PDE6C: variants seen among roughly 807,000 people sequenced by gnomAD.
PDE6C encodes phosphodiesterase 6C.
A neutral mutation model predicts 113.1 loss-of-function variants in PDE6C; 75 were observed. That is an observed-to-expected ratio of 0.66 (90% CI 0.55 to 0.80). The LOEUF (loss-of-function observed/expected upper bound fraction) is 0.80, where lower values mean the gene tolerates loss of function less well. Ranked by LOEUF, PDE6C falls within the 30% of genes least tolerant of loss-of-function variation. The pLI is 0.00. For missense variants in PDE6C, 912 were observed against 1,038.6 expected, an observed-to-expected ratio of 0.88 and a Z score of 1.67; for synonymous variants, 375 against 363.7, an observed-to-expected ratio of 1.03 and a Z score of -0.35.
chr10:93,613,625 T>G (rs2134588340), intron 1 of PDE6C, among the ~76,000 whole-genome samples: 1 of 152,322 alleles, frequency 6.6e-6, no homozygotes, highest in East Asian at 1.9e-4. Flanking sequence ...ACTTGTGAAC[T>G]GCTCCCCATG....
Position 93,625,621 on chromosome 10 carries a change from A to T in PDE6C, c.911A>T (p.Tyr304Phe). 6.2e-7 allele frequency: 1 copy of T among 1,613,584 alleles called. No individual in the cohort carries two copies. Among genetic ancestry groups the T allele is most frequent in the Non-Finnish European group, 8.5e-7 (1 of 1,179,484 alleles). ...ATCAAGCTTGGAGAAGTAGAGCCTT[A>T]TAAAGGTCCAAAGACACCTGATGGC... ...WPIKLGEVEPYKGPKTPDGRE... is the reference protein window; with the variant it reads ...WPIKLGEVEPFKGPKTPDGRE... Residue 304 changes from tyrosine to phenylalanine, a missense_variant, in exon 5 of 22, where the codon TAT becomes TTT. Physicochemically the swap from Tyr to Phe is conservative, Grantham distance 22. Transcript: ENST00000371447.
intron 14 of PDE6C, among the ~76,000 whole-genome samples, chr10:93,645,376 T>A (rs911662103): frequency 1.3e-5 from 2 of 152,218 alleles, no homozygotes; most frequent in African/African-American, 4.8e-5. Flanking sequence ...CTTCTTTCTT[T>A]AAAATTATTT....
rs202031903 is a variant in PDE6C at position 93,634,752 on chromosome 10, T to C, written c.1120-6T>C. On this transcript the variant is annotated splice_region_variant and splice_polypyrimidine_tract_variant and intron_variant, in intron 8 of 21. Coordinates refer to ENST00000371447, the MANE Select transcript of PDE6C (RefSeq NM_006204.4). ...AAAATAACTTGAGGTCCCTTCTCGT[T>C]TGTAGAAAGGACCTGTAGACGAAAC... The C allele has an allele frequency of 2.7e-5, 43 of 1,613,992 alleles. No individual in the cohort carries two copies. In the East Asian group the frequency reaches 8.0e-4, roughly 30 times the overall value.
chr10:93,665,594 A>C lies in PDE6C; in HGVS notation c.*176A>C. 1.7e-6 allele frequency: 1 copy of C among 598,390 alleles called. No individual in the cohort carries two copies. Among genetic ancestry groups the C allele is most frequent in the Non-Finnish European group, 3.0e-6 (1 of 337,080 alleles). 37.1% of individuals were successfully genotyped at this position (598,390 alleles called of 1,614,324 possible). A position where few individuals can be genotyped will look rare whatever the true frequency, so the allele number is the denominator to read the frequency against. On this transcript the variant is annotated 3_prime_UTR_variant, in exon 22 of 22. Coordinates refer to ENST00000371447, the MANE Select transcript of PDE6C (RefSeq NM_006204.4). ...AATCCCAGGGGCAAAATAAAGTTCA[A>C]CAAAAGTGCAAAATATGACAAAAAT...
At chr10:93,615,081 C>T (rs935999398) in intron 1 of PDE6C, among the ~76,000 whole-genome samples, 1 of 152,180 alleles carries the variant, frequency 6.6e-6, no homozygotes, top group African/African-American at 2.4e-5. Flanking sequence ...GGCTTAAGCC[C>T]AGGAGTTCGA....
intron 18 of PDE6C, among the ~76,000 whole-genome samples, chr10:93,661,379 T>C (rs1352905112): frequency 1.3e-5 from 2 of 152,188 alleles, no homozygotes; most frequent in Non-Finnish European, 2.9e-5. Flanking sequence ...CAATACAACA[T>C]AAATGCCACC....
rs1265199102 is a variant in PDE6C, at chr10:93,665,529, ACC to A, written c.*113_*114del. 3.9e-6 allele frequency: 3 copies of A among 772,362 alleles called. No individual in the cohort carries two copies. Among genetic ancestry groups the A allele is most frequent in the African/African-American group, 1.7e-5 (1 of 57,616 alleles). 47.8% of individuals were successfully genotyped at this position (772,362 alleles called of 1,614,324 possible). On this transcript the variant is annotated 3_prime_UTR_variant, in exon 22 of 22. Coordinates refer to ENST00000371447, the MANE Select transcript of PDE6C (RefSeq NM_006204.4). ...ACGTAACAGGATCTTCAGAAAAACT[ACC>A]CTGTGACTATGAAGAAAATATATAT...
rs373202122 is a variant in PDE6C at position 93,641,072 on chromosome 10, T to A, written c.1847+43T>A. The A allele has an allele frequency of 2.5e-6, 3 of 1,177,142 alleles. No individual in the cohort carries two copies. The South Asian group carries it at 3.6e-5, about 14-fold the overall frequency. The allele number at this position is 1,177,142 out of a possible 1,614,324, so 72.9% of individuals were successfully genotyped here. A position where few individuals can be genotyped will look rare whatever the true frequency, so the allele number is the denominator to read the frequency against. On this transcript the variant is annotated intron_variant, in intron 14 of 21. Transcript: ENST00000371447. Reference sequence around the variant, plus strand: ...CAATGTTGACACGTATTGGTGGACATTGGAAAGTACTTAGGGTGAGAAAAA... The same window carrying A: ...CAATGTTGACACGTATTGGTGGACAATGGAAAGTACTTAGGGTGAGAAAAA...
At chr10:93,627,549 G>C (rs1005790805) in intron 7 of PDE6C, among the ~76,000 whole-genome samples, 13 of 152,128 alleles carry the variant, frequency 8.5e-5, no homozygotes, top group Admixed American at 4.6e-4. Flanking sequence ...GATGGGGTGG[G>C]GATGGTGTGG....
intron 7 of PDE6C, among the ~76,000 whole-genome samples, chr10:93,628,521 G>A (rs999839267): frequency 6.6e-6 from 1 of 152,108 alleles, no homozygotes; most frequent in Non-Finnish European, 1.5e-5. Flanking sequence ...GGAGGTGGAG[G>A]TTGCAGAGAG....
In PDE6C at chr10:93,665,732, C is replaced by T; in HGVS notation, c.*314C>T. On this transcript the variant is annotated 3_prime_UTR_variant, in exon 22 of 22. Coordinates refer to ENST00000371447, the MANE Select transcript of PDE6C (RefSeq NM_006204.4). ...TATTTATTTGCTAAGGCTGCTATAA[C>T]AAAGTACCACAGACTGGGTGCTTAA... 1 of 357,642 alleles carries T rather than the reference C, an allele frequency of 2.8e-6. No homozygotes were observed. Among genetic ancestry groups the T allele is most frequent in the African/African-American group, 2.1e-5 (1 of 47,032 alleles). 22.2% of individuals were successfully genotyped at this position (357,642 alleles called of 1,614,324 possible). A position where few individuals can be genotyped will look rare whatever the true frequency, so the allele number is the denominator to read the frequency against.
At position 93,629,216 on chromosome 10, in the gene PDE6C, C is replaced by A. The variant is rs1195337949; in HGVS notation, c.1072-42C>A. 4 of 1,512,236 alleles carry A rather than the reference C, an allele frequency of 2.6e-6. No homozygotes were observed. The South Asian group carries it at 3.4e-5, about 13-fold the overall frequency. 93.7% of individuals were successfully genotyped at this position (1,512,236 alleles called of 1,614,324 possible). ...TGCTTTGTGGATCAAGAGGGCTCCA[C>A]TACACAATATTTCAGACCATTTGTC... On this transcript the variant is annotated intron_variant, in intron 7 of 21. Coordinates refer to ENST00000371447, the MANE Select transcript of PDE6C (RefSeq NM_006204.4).
chr10:93,613,690 TAA>T (rs1446122090), intron 1 of PDE6C, among the ~76,000 whole-genome samples: 1 of 152,268 alleles, frequency 6.6e-6, no homozygotes, highest in East Asian at 1.9e-4. Context: ...GATTTGCTAG[TAA>T]ATCAATTCTT....
intron 8 of PDE6C, among the ~76,000 whole-genome samples, chr10:93,633,500 TA>T (rs1027110314): frequency 5.2e-5 from 7 of 135,868 alleles, no homozygotes; most frequent in African/African-American, 1.8e-4. Context: ...ATAAACAAGC[TA>T]AAACAAATCT....
At chr10:93,643,761 A>G (rs745342353) in intron 14 of PDE6C, among the ~76,000 whole-genome samples, 8 of 151,648 alleles carry the variant, frequency 5.3e-5, no homozygotes, top group Non-Finnish European at 1.0e-4. Flanking sequence ...TCATTCCTAA[A>G]TATTGCAGCA....
chr10:93,663,057 A>T lies in PDE6C; in HGVS notation c.2397A>T (p.Thr799=), dbSNP rs1424718795. The T allele has an allele frequency of 1.9e-6, 3 of 1,612,520 alleles. No individual in the cohort carries two copies. The highest frequency in any genetic ancestry group is 2.7e-5 in the African/African-American group (2 of 74,850). The part of the protein sequence containing the change: ...KEFSRFHKEI[T]PMLSGLQNNR... ...TCTCACGGTTTCACAAAGAAATCAC[A>T]CCTATGCTGAGTGGTCTTCAGAATA... Residue 799 remains threonine (T), a synonymous_variant, in exon 21 of 22, where the codon ACA becomes ACT. Coordinates refer to ENST00000371447, the MANE Select transcript of PDE6C (RefSeq NM_006204.4).
chr10:93,638,459 G>A (rs73329314), intron 11 of PDE6C, among the ~76,000 whole-genome samples: 1,713 of 152,104 alleles, frequency 0.011, 30 homozygotes, highest in African/African-American at 0.039. Context: ...CTCCCCACCT[G>A]CCCTCAACAA....
rs1191484726 is a variant in PDE6C at position 93,656,611 on chromosome 10, CT to C, written c.2036+752del. On this transcript the variant is annotated intron_variant, in intron 16 of 21. Transcript: ENST00000371447. ...TATTATACAGGTCTCACTCTGTCAC[CT>C]GGGCTGGAGTGCAGTGGCACAACCT... Among the ~76,000 whole-genome samples, 30 of 151,886 alleles carry C rather than the reference CT, an allele frequency of 2.0e-4. No individual in the cohort carries two copies. In the East Asian group the frequency reaches 5.5e-3, roughly 28 times the overall value.
chr10:93,618,098 G>A (rs1237672677), intron 1 of PDE6C, among the ~76,000 whole-genome samples: 1 of 152,154 alleles, frequency 6.6e-6, no homozygotes, highest in Non-Finnish European at 1.5e-5. Flanking sequence ...GAGGAAGGGT[G>A]CTCCGCGGTA....
Sources: gnomAD v4.1 joint callset for allele counts (sites outside exome capture counted in the v4.1 genomes callset) on GRCh38, gnomAD v4.1.1 for gene constraint, MANE v1.5 for transcripts, NCBI Gene and HGNC (gene_info 2026-07-23, HGNC 2026-07-21) for gene names.